Variants in SLC2A9 observed in about 807,000 individuals in gnomAD.
SLC2A9 encodes solute carrier family 2 member 9.
A neutral mutation model predicts 50.6 loss-of-function variants in SLC2A9; 39 were observed. The ratio of observed to expected loss-of-function variants is 0.77; its 90% CI spans 0.60 to 1.01. The LOEUF is 1.01. Ranked by LOEUF, SLC2A9 falls within the 50% of genes least tolerant of loss-of-function variation. The pLI is 0.00. For synonymous variants in SLC2A9, 324 were observed against 276.9 expected, an observed-to-expected ratio of 1.17 and a Z score of -1.69; for missense variants, 686 against 677.6, an observed-to-expected ratio of 1.01 and a Z score of -0.14.
intron 10 of SLC2A9, among the ~76,000 whole-genome samples, chr4:9,885,805 G>C (rs62293295): frequency 0.12 from 18,473 of 152,230 alleles, 1,308 homozygotes; most frequent in African/African-American, 0.17. Context: ...AGTTTTACTG[G>C]GACACAACCA....
chr4:9,972,201 T>C (rs1754016159), intron 5 of SLC2A9, among the ~76,000 whole-genome samples: 2 of 152,170 alleles, frequency 1.3e-5, no homozygotes, highest in Admixed American at 6.5e-5. Context: ...GAAAGAAAAG[T>C]GGGAGCTCAA....
intron 5 of SLC2A9, among the ~76,000 whole-genome samples, chr4:9,958,068 A>G (rs1751610260): frequency 1.3e-5 from 2 of 152,224 alleles, no homozygotes; most frequent in Non-Finnish European, 2.9e-5. Flanking sequence ...AAAATAAGAA[A>G]GGCATCAGAT....
chr4:9,834,876 C>T lies in SLC2A9; in HGVS notation c.1419+5G>A, dbSNP rs1366953603. ...CATGGGCAAAAGACTCCTTGTCAGT[C>T]ATACCTGAATGAATGGGAAGAGGAG... On this transcript the variant is annotated splice_donor_5th_base_variant and intron_variant, in intron 11 of 11. Coordinates refer to ENST00000264784, the MANE Select transcript of SLC2A9 (RefSeq NM_020041.3). 2 of 1,613,984 alleles carry T rather than the reference C, an allele frequency of 1.2e-6. No individual in the cohort carries two copies. Among genetic ancestry groups the T allele is most frequent in the Non-Finnish European group, 1.7e-6 (2 of 1,180,020 alleles).
chr4:9,911,584 C>A (rs976900034), intron 7 of SLC2A9, among the ~76,000 whole-genome samples: 4 of 152,248 alleles, frequency 2.6e-5, no homozygotes, highest in Non-Finnish European at 4.4e-5. Context: ...CCTCCCCGTG[C>A]AGCGTGGCAG....
intron 5 of SLC2A9, among the ~76,000 whole-genome samples, chr4:9,962,705 A>T (rs1277007954): frequency 1.3e-5 from 2 of 152,132 alleles, no homozygotes; most frequent in Non-Finnish European, 2.9e-5. Flanking sequence ...CTGCGCATAT[A>T]CCCCAGAACT....
intron 5 of SLC2A9, among the ~76,000 whole-genome samples, chr4:9,945,233 T>C (rs1245384422): frequency 6.6e-6 from 1 of 152,252 alleles, no homozygotes; most frequent in Non-Finnish European, 1.5e-5. Flanking sequence ...CCACTCACTG[T>C]GCTGTGGGCA....
At chr4:9,968,507 T>C (rs527769885) in intron 5 of SLC2A9, among the ~76,000 whole-genome samples, 1 of 152,334 alleles carries the variant, frequency 6.6e-6, no homozygotes, top group South Asian at 2.1e-4. Context: ...ATGTTTCTTT[T>C]TTTCCAGTAT....
intron 10 of SLC2A9, chr4:9,878,948 G>T: frequency 4.2e-6 from 3 of 706,202 alleles, no homozygotes; most frequent in Non-Finnish European, 5.2e-6. Context: ...ACACACATTT[G>T]GTGTGAGCTG....
At chr4:9,819,014 C>T (rs1189727583) in intron 3 of SLC2A9, among the ~76,000 whole-genome samples, 10 of 148,004 alleles carry the variant, frequency 6.8e-5, no homozygotes, top group South Asian at 2.1e-4. Flanking sequence ...CCCAGCAACT[C>T]GGGAGACTGA....
At chr4:10,023,425 C>T (rs1296133211), upstream of SLC2A9, among the ~76,000 whole-genome samples, 1 of 152,172 alleles carries the variant, frequency 6.6e-6, no homozygotes, top group African/African-American at 2.4e-5. Context: ...CTCTCTATAC[C>T]CTCCCTGTTT....
chr4:9,874,169 C>T (rs952387713), intron 10 of SLC2A9, among the ~76,000 whole-genome samples: 3 of 152,182 alleles, frequency 2.0e-5, no homozygotes, highest in Non-Finnish European at 4.4e-5. Context: ...GATGTCTGTC[C>T]TCTACTCAGA....
chr4:9,995,204 T>C (rs1758431475), intron 3 of SLC2A9, among the ~76,000 whole-genome samples: 1 of 152,140 alleles, frequency 6.6e-6, no homozygotes, highest in African/African-American at 2.4e-5. Context: ...AATGTGTGAG[T>C]GGCTGGAACC....
chr4:9,832,379 TGGGTGCCTTCCCA>T (rs1560166169), intron 11 of SLC2A9, among the ~76,000 whole-genome samples: 2 of 152,080 alleles, frequency 1.3e-5, no homozygotes, highest in Non-Finnish European at 2.9e-5. Flanking sequence ...AAATTAACCG[TGGGTGCCTTCCCA>T]GGCTTGGGTC....
chr4:9,842,085 C>A (rs1728169781), intron 10 of SLC2A9, among the ~76,000 whole-genome samples: 1 of 151,312 alleles, frequency 6.6e-6, no homozygotes, highest in South Asian at 2.1e-4. Context: ...TACTGCTGGC[C>A]ATTTTTTTTC....
chr4:9,816,831 AC>A (rs1357383401), intron 3 of SLC2A9, among the ~76,000 whole-genome samples: 1 of 127,010 alleles, frequency 7.9e-6, no homozygotes, highest in East Asian at 2.0e-4. Context: ...TAAAAAAAAA[AC>A]GATGACACGC....
At chr4:9,786,823 G>C (rs1211528070) in intron 3 of SLC2A9, among the ~76,000 whole-genome samples, 1 of 152,176 alleles carries the variant, frequency 6.6e-6, no homozygotes, top group East Asian at 1.9e-4. Flanking sequence ...GGCAATGTCT[G>C]GAGACATTTT....
At chr4:9,975,530 C>T (rs11734219) in intron 5 of SLC2A9, among the ~76,000 whole-genome samples, 109,244 of 152,088 alleles carry the variant, frequency 0.72, 40,328 homozygotes, top group East Asian at 0.98. Context: ...ATCAGAGAGA[C>T]GCCAATCCAA....
At chr4:9,874,596 G>A (rs1015277008) in intron 10 of SLC2A9, among the ~76,000 whole-genome samples, 38 of 152,256 alleles carry the variant, frequency 2.5e-4, no homozygotes, top group African/African-American at 9.2e-4. Context: ...ATGTGCATGT[G>A]TGTGAATCAG....
intron 1 of SLC2A9, among the ~76,000 whole-genome samples, chr4:9,774,793 A>C (rs1717323778): frequency 1.4e-5 from 2 of 142,428 alleles, no homozygotes; most frequent in Admixed American, 7.2e-5. Context: ...CTTTTTCTCT[A>C]TCTTCCTCTC....
Sources: gnomAD v4.1 joint callset for allele counts (sites outside exome capture counted in the v4.1 genomes callset) on GRCh38, gnomAD v4.1.1 for gene constraint, MANE v1.5 for transcripts, NCBI Gene and HGNC (gene_info 2026-07-23, HGNC 2026-07-21) for gene names.